Variants in FLT4 observed in about 807,000 individuals in gnomAD.
The protein encoded by FLT4 is vascular endothelial growth factor receptor 3.
Under a neutral mutation model 163.2 loss-of-function variants are expected in FLT4, and 30 were observed. That is an observed-to-expected ratio of 0.18 (90% CI 0.14 to 0.25). The LOEUF is 0.25. Among genes scored for constraint, FLT4 ranks in the 10% least tolerant of loss-of-function variants. The pLI is 1.00. For missense variants in FLT4, 1,510 were observed against 1,863.8 expected, an observed-to-expected ratio of 0.81 and a Z score of 3.50; for synonymous variants, 884 against 789.5, an observed-to-expected ratio of 1.12 and a Z score of -2.01.
chr5:180,630,802 G>A lies in FLT4; in HGVS notation c.156-3C>T. ...CCCACTCGAGGGGGTGCTGTCCCCT[G>A]GCAGAGGACAGGAGTGGTCAGGTGG... On this transcript the variant is annotated splice_polypyrimidine_tract_variant and splice_region_variant and intron_variant, in intron 2 of 29. Coordinates refer to ENST00000261937, the MANE Select transcript of FLT4 (RefSeq NM_182925.5). This position sits in a 1 kb window ranked among gnomAD's most constrained non-coding sequence, Gnocchi z 6.3. The A allele has an allele frequency of 6.2e-7, 1 of 1,600,734 alleles. No homozygotes were observed.
chr5:180,626,372 G>A, intron 8 of FLT4, 107 bp from the exon 9 acceptor site: 1 of 1,285,618 alleles, frequency 7.8e-7, no homozygotes, highest in Non-Finnish European at 1.1e-6. Context: ...GGGCTGGCAG[G>A]AGTGCAGGGT....
In FLT4 at chr5:180,629,380, G is replaced by C; in HGVS notation, c.864C>G (p.His288Gln). Residue 288 changes from histidine (H) to glutamine (Q), a missense_variant, in exon 7 of 30, where the codon CAC (histidine) becomes CAG (glutamine). Coordinates refer to ENST00000261937, the MANE Select transcript of FLT4 (RefSeq NM_182925.5). ...WVPERRSQQT[H>Q]TELSSILTIH... ...TGGTCAGGATGCTGGAGAGTTCTGT[G>C]TGGGTCTGCTGGGAGCGTCGCTCGG... is the stretch of plus-strand genomic sequence containing the variant. 5 of 1,612,570 alleles carry C rather than the reference G, an allele frequency of 3.1e-6. No homozygotes were observed. The South Asian group carries it at 4.4e-5, about 14-fold the overall frequency.
rs964840674 is a variant in FLT4 at position 180,636,893 on chromosome 5, C to G, written c.59-5115G>C. On this transcript the variant is annotated intron_variant, in intron 1 of 29. Coordinates refer to ENST00000261937, the MANE Select transcript of FLT4 (RefSeq NM_182925.5). This position sits in a 1 kb window ranked among gnomAD's most constrained non-coding sequence, Gnocchi z 4.3. The stretch of plus-strand genomic sequence containing the variant: ...GCCGCCTCTCTGCATGCTCCCTCCC[C>G]TCTTGTCCTGCATCCCAACCCTGAG... 2.6e-5 allele frequency among the ~76,000 whole-genome samples: 4 copies of G among 152,072 alleles called. No homozygotes were observed. The highest frequency in any genetic ancestry group is 5.9e-5 in the Non-Finnish European group (4 of 68,026).
chr5:180,640,088 G>A (rs10455081), intron 1 of FLT4, among the ~76,000 whole-genome samples: 113,120 of 152,146 alleles, frequency 0.74, 43,446 homozygotes, highest in East Asian at 0.87. Flanking sequence ...CAGGCGTGGC[G>A]GGCGTGGGAG....
Position 180,629,435 on chromosome 5 carries a change from C to G in FLT4, c.817-8G>C, listed in dbSNP as rs374891241. On this transcript the variant is annotated splice_region_variant and splice_polypyrimidine_tract_variant and intron_variant, in intron 6 of 29. Coordinates refer to ENST00000261937, the MANE Select transcript of FLT4 (RefSeq NM_182925.5). Reference sequence around the variant, plus strand: ...CCACTTACCCCGCTCTGCCTGCCCGCACCCAGGGAAGCCCCGCGTCAGCAG... The same window carrying G: ...CCACTTACCCCGCTCTGCCTGCCCGGACCCAGGGAAGCCCCGCGTCAGCAG... The G allele has an allele frequency of 6.2e-7, 1 of 1,610,478 alleles. No individual in the cohort carries two copies. The highest frequency in any genetic ancestry group is 1.3e-5 in the African/African-American group (1 of 75,006).
At chr5:180,650,154 C>T (rs1209475304), upstream of FLT4, among the ~76,000 whole-genome samples, 1 of 136,292 alleles carries the variant, frequency 7.3e-6, no homozygotes, top group East Asian at 2.2e-4. Flanking sequence ...CGCCACTGCA[C>T]TCCAGTCTGG....
Position 180,616,344 on chromosome 5 carries a change from TCTC to T in FLT4, c.3219+20_3219+22del, listed in dbSNP as rs778271543. On this transcript the variant is annotated intron_variant, in intron 23 of 29. Transcript: ENST00000261937. The stretch of plus-strand genomic sequence containing the variant: ...TTCACCTGTTCCGCCCCACGTTCCC[TCTC>T]CTCAATGGCCTGCACTCACACTGCC... 13 of 1,613,762 alleles carry T rather than the reference TCTC, an allele frequency of 8.1e-6. No homozygotes were observed. The highest frequency in any genetic ancestry group is 1.1e-5 in the South Asian group (1 of 91,078).
chr5:180,610,949 C>T (rs999822187), intron 27 of FLT4, among the ~76,000 whole-genome samples: 59 of 152,188 alleles, frequency 3.9e-4, no homozygotes, highest in African/African-American at 1.3e-3. Flanking sequence ...CCCAGCTACT[C>T]GGGAGGCTGA....
intron 24 of FLT4, chr5:180,613,453 T>C: frequency 3.3e-6 from 1 of 302,160 alleles, no homozygotes; most frequent in East Asian, 6.5e-5. Flanking sequence ...AAAGCCTCTC[T>C]TGCTTCTCGC....
At chr5:180,613,498 TC>T in intron 24 of FLT4, 2 of 211,398 alleles carry the variant, frequency 9.5e-6, no homozygotes, top group East Asian at 1.2e-4. Context: ...CCCCTGCTGC[TC>T]CCCCCAACCC....
At chr5:180,646,983 C>A (rs1765522683) in intron 1 of FLT4, among the ~76,000 whole-genome samples, 1 of 152,130 alleles carries the variant, frequency 6.6e-6, no homozygotes, top group African/African-American at 2.4e-5. Flanking sequence ...TGAGCTGGAG[C>A]AGAAGGTCCC....
intron 27 of FLT4, among the ~76,000 whole-genome samples, 174 bp downstream of exon 27, chr5:180,611,157 G>A (rs913903381): frequency 3.3e-5 from 5 of 151,994 alleles, no homozygotes; most frequent in South Asian, 2.1e-4. Context: ...CAGGCCACAC[G>A]GCCGTGGAAG....
chr5:180,630,414 G>T lies in FLT4; in HGVS notation c.401-77C>A. Reference sequence around the variant, plus strand: ...GGAGGGCTCCACGGGGCTGGGTGGTGCTGGTCCTGAACCAGCCACCCGCTG... The same window carrying T: ...GGAGGGCTCCACGGGGCTGGGTGGTTCTGGTCCTGAACCAGCCACCCGCTG... On this transcript the variant is annotated intron_variant, in intron 3 of 29. Transcript: ENST00000261937. The surrounding 1 kb of genome is among the most constrained non-coding windows in gnomAD (Gnocchi z 6.3). The T allele has an allele frequency of 6.5e-7, 1 of 1,549,664 alleles. No individual in the cohort carries two copies. The highest frequency in any genetic ancestry group is 8.8e-7 in the Non-Finnish European group (1 of 1,135,754).
At chr5:180,604,963 C>T (rs940632585) in intron 29 of FLT4, among the ~76,000 whole-genome samples, 5 of 152,118 alleles carry the variant, frequency 3.3e-5, no homozygotes, top group African/African-American at 4.8e-5. Flanking sequence ...AAAGATTTAT[C>T]GGGTTTTTTT....
At chr5:180,649,022 C>G (rs1345459618) in intron 1 of FLT4, among the ~76,000 whole-genome samples, 1 of 152,158 alleles carries the variant, frequency 6.6e-6, no homozygotes, top group Non-Finnish European at 1.5e-5. Flanking sequence ...GGGGGACCGA[C>G]CGCGAGCGGA....
chr5:180,624,166 G>A, intron 10 of FLT4, 105 bp from the exon 11 acceptor site: 1 of 1,370,278 alleles, frequency 7.3e-7, no homozygotes, highest in Non-Finnish European at 1.0e-6. Context: ...CTTCTCATAT[G>A]GGGTCGTGGG....
At chr5:180,649,625 G>T, upstream of FLT4, 1 of 522,330 alleles carries the variant, frequency 1.9e-6, no homozygotes, top group East Asian at 6.8e-5. Flanking sequence ...CGGCTGGCCT[G>T]GGGCGGGGCG....
intron 26 of FLT4, among the ~76,000 whole-genome samples, chr5:180,611,946 C>T (rs1240861669): frequency 6.6e-6 from 1 of 152,192 alleles, no homozygotes; most frequent in African/African-American, 2.4e-5. Flanking sequence ...GGGGCCAGCA[C>T]TCCCTACCTT....
At chr5:180,615,154 G>A (rs1010531139) in intron 23 of FLT4, among the ~76,000 whole-genome samples, 3 of 147,972 alleles carry the variant, frequency 2.0e-5, no homozygotes, top group East Asian at 4.1e-4. Flanking sequence ...CGGCCCCGCT[G>A]GTCACCTCCC....
Sources: gnomAD v4.1 joint callset for allele counts (sites outside exome capture counted in the v4.1 genomes callset) on GRCh38, gnomAD v4.1.1 for gene constraint, Gnocchi (gnomAD v3.1) non-coding constraint, MANE v1.5 for transcripts, NCBI Gene and HGNC (gene_info 2026-07-23, HGNC 2026-07-21) for gene names.